Variants in NEB observed in about 807,000 individuals in gnomAD.
NEB encodes nebulin.
A neutral mutation model predicts 952.2 loss-of-function variants in NEB; 512 were observed. The observed-to-expected ratio is 0.54, with a 90% CI of 0.50 to 0.58. NEB has a LOEUF of 0.58. NEB is among the 20% of genes least tolerant of loss of function. The pLI, the probability that NEB is intolerant of heterozygous loss-of-function variation, is 0.00. For missense variants in NEB, 8,428 were observed against 9,231.1 expected, an observed-to-expected ratio of 0.91 and a Z score of 3.56; for synonymous variants, 2,900 against 3,149.8, an observed-to-expected ratio of 0.92 and a Z score of 2.66.
intron 162 of NEB, chr2:151,507,745 C>T: frequency 1.3e-5 from 5 of 394,674 alleles, no homozygotes; most frequent in Non-Finnish European, 1.4e-5. Context: ...TCGCCATGAA[C>T]CTTGCCATGG....
intron 147 of NEB, 140 bp downstream of exon 147, chr2:151,527,341 C>T (rs1015115388): frequency 2.2e-5 from 17 of 756,554 alleles, no homozygotes; most frequent in Non-Finnish European, 3.4e-5. Flanking sequence ...CCTATCGCTC[C>T]CCCAACCATC....
intron 46 of NEB, among the ~76,000 whole-genome samples, chr2:151,661,113 A>G (rs75843358): frequency 6.6e-6 from 1 of 151,832 alleles, no homozygotes; most frequent in East Asian, 1.9e-4. Context: ...TCTTTTCTCA[A>G]CTCTGCAATG....
chr2:151,540,729 G>T lies in NEB; in HGVS notation c.20755C>A (p.His6919Asn), dbSNP rs2093931355. The T allele has an allele frequency of 6.2e-7, 1 of 1,613,514 alleles. No individual in the cohort carries two copies. The highest frequency in any genetic ancestry group is 8.5e-7 in the Non-Finnish European group (1 of 1,179,666). ...ACCATGTCCTTCACGTCTTTAGCAT[G>T]CTTCAAGGCTGTGGTCTGGTTTCCA... Reference protein sequence around the residue: ...HAGNQTTALKHAKDVKDMVSE... With the variant: ...HAGNQTTALKNAKDVKDMVSE... Residue 6919 changes from histidine to asparagine, a missense_variant, in exon 137 of 182, where the codon CAT (histidine) becomes AAT (asparagine). His to Asn is a moderately conservative substitution (Grantham distance 68, BLOSUM62 1). Coordinates refer to ENST00000397345, the MANE Select transcript of NEB (RefSeq NM_001164508.2).
chr2:151,654,788 A>G lies in NEB; in HGVS notation c.6807+482T>C, dbSNP rs184671859. Among the ~76,000 whole-genome samples the G allele has an allele frequency of 4.6e-5, 7 of 152,286 alleles. No homozygotes were observed. In the East Asian group the frequency reaches 9.7e-4, roughly 21 times the overall value. On this transcript the variant is annotated intron_variant, in intron 51 of 181. Coordinates refer to ENST00000397345, the MANE Select transcript of NEB (RefSeq NM_001164508.2). Reference sequence around the variant, plus strand: ...ATAGGTAATTGAGTTACCCAGTACTATACATCTCAAAAATGGCAAAGCCAA... The same window carrying G: ...ATAGGTAATTGAGTTACCCAGTACTGTACATCTCAAAAATGGCAAAGCCAA...
At position 151,723,469 on chromosome 2, in the gene NEB, G is replaced by C. The variant is rs1201247781; in HGVS notation, c.630C>G (p.Asp210Glu). Reference protein sequence around the residue: ...AMFSKKLYTEDWEADKSLFYP... With the variant: ...AMFSKKLYTEEWEADKSLFYP... Reference sequence around the variant, plus strand: ...AAAACAAACTTTTGTCTGCTTCCCAGTCTTCAGTGTACAGTTTCTAAATCA... The same window carrying C: ...AAAACAAACTTTTGTCTGCTTCCCACTCTTCAGTGTACAGTTTCTAAATCA... Residue 210 changes from aspartate (D) to glutamate (E), a missense_variant, in exon 9 of 182, where the codon GAC (aspartate) becomes GAG (glutamate). Coordinates refer to ENST00000397345, the MANE Select transcript of NEB (RefSeq NM_001164508.2). 1 of 1,606,542 alleles carries C rather than the reference G, an allele frequency of 6.2e-7. No individual in the cohort carries two copies. The highest frequency in any genetic ancestry group is 2.2e-5 in the East Asian group (1 of 44,766).
Position 151,653,104 on chromosome 2 carries a change from G to A in NEB, c.6915+888C>T, listed in dbSNP as rs577818221. On this transcript the variant is annotated intron_variant, in intron 52 of 181. Coordinates refer to ENST00000397345, the MANE Select transcript of NEB (RefSeq NM_001164508.2). ...ATTTATTGTCAGATTCCATTTTTAG[G>A]CATTCCTTTCCTGCACTCTGTACTT... Among the ~76,000 whole-genome samples, 8 of 152,060 alleles carry A rather than the reference G, an allele frequency of 5.3e-5. No individual in the cohort carries two copies. The East Asian group carries it at 1.5e-3, about 29-fold the overall frequency.
At chr2:151,670,518 G>A (rs2099273078) in intron 38 of NEB, among the ~76,000 whole-genome samples, 1 of 148,828 alleles carries the variant, frequency 6.7e-6, no homozygotes, top group Non-Finnish European at 1.5e-5. Context: ...AGTCCATACA[G>A]ACGTGGTCTC....
intron 102 of NEB, 131 bp from the exon 103 acceptor site, chr2:151,581,718 T>TAAG: frequency 2.2e-6 from 2 of 911,888 alleles, no homozygotes; most frequent in Non-Finnish European, 3.3e-6. Flanking sequence ...AATTTTATAA[T>TAAG]AAATTAAAAC....
intron 40 of NEB, 110 bp downstream of exon 40, chr2:151,667,694 A>C: frequency 1.7e-6 from 1 of 602,842 alleles, no homozygotes. Flanking sequence ...CATCTGGCTA[A>C]TTTTTTTTTT....
intron 35 of NEB, 143 bp downstream of exon 35, chr2:151,675,144 A>T: frequency 1.4e-6 from 1 of 701,220 alleles, no homozygotes; most frequent in Non-Finnish European, 2.5e-6. Flanking sequence ...GAAGAGGTAA[A>T]GAACCATCCT....
Position 151,695,681 on chromosome 2 carries a change from A to G in NEB, c.1571T>C (p.Leu524Ser). Reference protein sequence around the residue: ...AQVNSKQLSDLNYKAKHESEK... With the variant: ...AQVNSKQLSDSNYKAKHESEK... ...ACTTTCATGTTTTGCTTTGTAATTT[A>G]ACTATGACAGAGAGAGAACCAATTA... is the stretch of plus-strand genomic sequence containing the variant. Residue 524 changes from leucine to serine, a missense_variant and splice_region_variant, in exon 18 of 182, where the codon TTA becomes TCA. Transcript: ENST00000397345. 6.2e-7 allele frequency: 1 copy of G among 1,606,984 alleles called. No homozygotes were observed.
chr2:151,506,071 T>G (rs2068641369), intron 164 of NEB, 95 bp downstream of exon 164: 1 of 1,076,684 alleles, frequency 9.3e-7, no homozygotes, highest in African/African-American at 1.6e-5. Flanking sequence ...TATAAGCTGT[T>G]TCTGGTGACA....
chr2:151,701,581 G>A lies in NEB; in HGVS notation c.1153-3933C>T, dbSNP rs948739375. On this transcript the variant is annotated intron_variant, in intron 13 of 181. Transcript: ENST00000397345. ...CTATTCAGAGATTCAACTTCTTCCT[G>A]GTTTAGTCTTGGGAGATTGTATGTG... Among the ~76,000 whole-genome samples, 271 of 151,460 alleles carry A rather than the reference G, an allele frequency of 1.8e-3. 1 individual carries two copies. Among genetic ancestry groups the A allele is most frequent in the African/African-American group, 6.4e-3 (265 of 41,128 alleles).
At position 151,677,250 on chromosome 2, in the gene NEB, TG is replaced by T. The variant is rs1258524369; in HGVS notation, c.3774+314del. On this transcript the variant is annotated intron_variant, in intron 34 of 181. Transcript: ENST00000397345. ...GTGTCTGGGATTTAAGCTTAAATTC[TG>T]TGTATGTATGTGTTTGCATGTGTAT... is the stretch of plus-strand genomic sequence containing the variant. 2.6e-5 allele frequency among the ~76,000 whole-genome samples: 4 copies of T among 152,234 alleles called. No individual in the cohort carries two copies. The East Asian group carries it at 7.7e-4, about 29-fold the overall frequency.
intron 10 of NEB, chr2:151,716,062 TTTTA>T: frequency 2.5e-6 from 1 of 395,446 alleles, no homozygotes; most frequent in South Asian, 1.9e-5. Context: ...GAAAACACCT[TTTTA>T]TTTTTCTTCC....
At chr2:151,525,299 T>G (rs776046625) in intron 150 of NEB, 26 bp from the exon 151 acceptor site, 2 of 1,499,816 alleles carry the variant, frequency 1.3e-6, no homozygotes, top group East Asian at 2.3e-5. Flanking sequence ...ATTACTTTTA[T>G]GAGTAGAGGA....
Position 151,670,064 on chromosome 2 carries a change from A to G in NEB, c.4507-933T>C, listed in dbSNP as rs547586036. On this transcript the variant is annotated intron_variant, in intron 38 of 181. Transcript: ENST00000397345. Reference sequence around the variant, plus strand: ...GTTGATGGCATTTATTGTGATGTGGAAGACTTTATATAGTGAGTGTACAGT... The same window carrying G: ...GTTGATGGCATTTATTGTGATGTGGGAGACTTTATATAGTGAGTGTACAGT... Among the ~76,000 whole-genome samples the G allele has an allele frequency of 3.3e-5, 5 of 152,282 alleles. No homozygotes were observed. The South Asian group carries it at 1.0e-3, about 32-fold the overall frequency.
Position 151,607,235 on chromosome 2 carries a change from T to C in NEB, c.12639+269A>G, listed in dbSNP as rs181828160. Among the ~76,000 whole-genome samples, 512 of 103,446 alleles carry C rather than the reference T, an allele frequency of 4.9e-3. 181 individuals carry two copies. In the East Asian group the frequency reaches 0.11, roughly 22 times the overall value. 67.9% of individuals were successfully genotyped at this position (103,446 alleles called of 152,430 possible). A position where few individuals can be genotyped will look rare whatever the true frequency, so the allele number is the denominator to read the frequency against. On this transcript the variant is annotated intron_variant, in intron 83 of 181. Transcript: ENST00000397345. Reference sequence around the variant, plus strand: ...GATCAATTAAAAAAACCTAAGATGATAACAGAGACTGTTAAGAGTGAAGGA... The same window carrying C: ...GATCAATTAAAAAAACCTAAGATGACAACAGAGACTGTTAAGAGTGAAGGA...
intron 11 of NEB, among the ~76,000 whole-genome samples, chr2:151,710,084 A>T (rs1266130823): frequency 6.6e-6 from 1 of 152,212 alleles, no homozygotes; most frequent in African/African-American, 2.4e-5. Flanking sequence ...AGGAGATGCT[A>T]AATTAATCAA....
Sources: gnomAD v4.1 joint callset for allele counts (sites outside exome capture counted in the v4.1 genomes callset) on GRCh38, gnomAD v4.1.1 for gene constraint, MANE v1.5 for transcripts, NCBI Gene and HGNC (gene_info 2026-07-23, HGNC 2026-07-21) for gene names.